The following CLYBL variants were observed in gnomAD, a reference collection of about 807,000 sequenced individuals.
CLYBL encodes citramalyl-CoA lyase, mitochondrial.
In CLYBL, 31 loss-of-function variants were observed where a neutral mutation model predicts 38.9. The ratio of observed to expected loss-of-function variants is 0.80; its 90% CI spans 0.60 to 1.08. CLYBL has a LOEUF of 1.08. Among genes scored for constraint, CLYBL ranks in the 50% least tolerant of loss-of-function variants. The pLI is 0.00. For synonymous variants in CLYBL, 171 were observed against 158.6 expected (o/e 1.08, Z -0.59); for missense variants, 434 against 411.6 (o/e 1.05, Z -0.47).
chr13:99,908,518 G>T (rs1019523159), exon 10 of CLYBL, among the ~76,000 whole-genome samples: 2 of 152,240 alleles, frequency 1.3e-5, no homozygotes, highest in Non-Finnish European at 2.9e-5. Flanking sequence ...GCACCAAAAA[G>T]CTTTTCCTGA....
chr13:99,667,511 G>T lies in CLYBL; in HGVS notation c.62+60754G>T, dbSNP rs532131640. ...GAGACCACTTGCATCTAACTCTGTG[G>T]CAGGTTTAGGATTCTGTGTAATCAG... On this transcript the variant is annotated intron_variant, in intron 1 of 8. Transcript: ENST00000339105. Among the ~76,000 whole-genome samples the T allele has an allele frequency of 5.2e-3, 780 of 150,586 alleles. 2 individuals are homozygous for T. Among genetic ancestry groups the T allele is most frequent in the Non-Finnish European group, 9.6e-3 (651 of 67,878 alleles).
chr13:99,644,352 C>A (rs2047146014), intron 1 of CLYBL, among the ~76,000 whole-genome samples: 1 of 151,986 alleles, frequency 6.6e-6, no homozygotes, highest in African/African-American at 2.4e-5. Context: ...AAAACTGTTA[C>A]CTTAAGACTA....
rs181574689 is a variant in CLYBL at position 99,858,290 on chromosome 13, A to G, written c.250-571A>G. Reference sequence around the variant, plus strand: ...AGTGGGAGCTTTTCTTGTAGTACACATTGTCAGATTCCTGTGAGCATCTTC... The same window carrying G: ...AGTGGGAGCTTTTCTTGTAGTACACGTTGTCAGATTCCTGTGAGCATCTTC... On this transcript the variant is annotated intron_variant, in intron 2 of 8. Transcript: ENST00000339105. Among the ~76,000 whole-genome samples, 292 of 152,296 alleles carry G rather than the reference A, an allele frequency of 1.9e-3. 2 individuals are homozygous for G. The highest frequency in any genetic ancestry group is 6.7e-3 in the African/African-American group (278 of 41,570).
At chr13:99,817,674 G>GA (rs1372175434) in intron 2 of CLYBL, among the ~76,000 whole-genome samples, 1 of 126,584 alleles carries the variant, frequency 7.9e-6, no homozygotes, top group Non-Finnish European at 1.6e-5. Flanking sequence ...AAAAAAAAAA[G>GA]AAAAGAAAAA....
chr13:99,880,068 A>ATATATATATATATAT (rs34063235), intron 7 of CLYBL, among the ~76,000 whole-genome samples: 5 of 101,188 alleles, frequency 4.9e-5, no homozygotes, highest in Non-Finnish European at 5.6e-5. Context: ...ATATATATAT[A>ATATATATATATATAT]TTTTTTTTTT....
At chr13:99,631,659 C>T (rs1402448903) in intron 1 of CLYBL, among the ~76,000 whole-genome samples, 2 of 151,616 alleles carry the variant, frequency 1.3e-5, no homozygotes, top group Admixed American at 6.6e-5. Flanking sequence ...AGTGCAGTGG[C>T]GTGATCTCGG....
intron 1 of CLYBL, among the ~76,000 whole-genome samples, chr13:99,628,892 G>A (rs2046905252): frequency 6.6e-6 from 1 of 152,236 alleles, no homozygotes; most frequent in African/African-American, 2.4e-5. Context: ...GAGAGAAAGG[G>A]AGGGGCCCTT....
At chr13:99,796,819 A>G (rs896953778) in intron 2 of CLYBL, among the ~76,000 whole-genome samples, 2 of 152,032 alleles carry the variant, frequency 1.3e-5, no homozygotes, top group African/African-American at 4.8e-5. Context: ...AGTAGTGTAG[A>G]CTGGTTGGGT....
chr13:99,789,908 ATAGT>A lies in CLYBL; in HGVS notation c.249+16903_249+16906del, dbSNP rs566491999. 3.9e-4 allele frequency among the ~76,000 whole-genome samples: 60 copies of A among 152,286 alleles called. 1 individual carries two copies. In the East Asian group the frequency reaches 0.011, roughly 28 times the overall value. ...TGTATTGGGTGCATATATATTTAAG[ATAGT>A]TAGTCTTCTTATTAAATTGATCCCT... On this transcript the variant is annotated intron_variant, in intron 2 of 8. Transcript: ENST00000339105.
intron 1 of CLYBL, among the ~76,000 whole-genome samples, chr13:99,625,473 G>A (rs2046856472): frequency 6.6e-6 from 1 of 152,098 alleles, no homozygotes; most frequent in South Asian, 2.1e-4. Context: ...ACTGGTTTGG[G>A]GAATTAGTAA....
chr13:99,794,308 C>T (rs1469710889), intron 2 of CLYBL, among the ~76,000 whole-genome samples: 2 of 152,036 alleles, frequency 1.3e-5, no homozygotes, highest in African/African-American at 4.8e-5. Flanking sequence ...GTAATCCCAG[C>T]TTCTGGGAGG....
chr13:99,781,165 T>TA (rs201043425), intron 2 of CLYBL, among the ~76,000 whole-genome samples: 1 of 145,584 alleles, frequency 6.9e-6, no homozygotes, highest in East Asian at 2.0e-4. Context: ...ATTATTTATT[T>TA]TTATTTATTT....
intron 2 of CLYBL, among the ~76,000 whole-genome samples, chr13:99,807,374 G>C (rs1441533525): frequency 1.3e-5 from 2 of 152,200 alleles, no homozygotes; most frequent in Non-Finnish European, 2.9e-5. Context: ...TAAGGATTGA[G>C]AGCCAGCACA....
chr13:99,878,441 T>C (rs2052106231), intron 7 of CLYBL, among the ~76,000 whole-genome samples: 1 of 152,254 alleles, frequency 6.6e-6, no homozygotes, highest in Admixed American at 6.5e-5. Context: ...ATGTCAAACA[T>C]TTTTAAATAA....
chr13:99,832,969 TATATC>T (rs1180601522), intron 2 of CLYBL, among the ~76,000 whole-genome samples: 1 of 139,310 alleles, frequency 7.2e-6, no homozygotes, highest in Non-Finnish European at 1.5e-5. Flanking sequence ...AGTATTGTCA[TATATC>T]ATTTCATTAA....
intron 1 of CLYBL, among the ~76,000 whole-genome samples, chr13:99,649,732 G>C (rs1218556506): frequency 2.0e-5 from 3 of 152,040 alleles, no homozygotes; most frequent in Admixed American, 2.0e-4. Context: ...ACATGTAGTG[G>C]TGGGCACCTG....
At chr13:99,732,227 A>G (rs1594146675) in intron 1 of CLYBL, among the ~76,000 whole-genome samples, 1 of 126,558 alleles carries the variant, frequency 7.9e-6, no homozygotes, top group Non-Finnish European at 1.6e-5. Context: ...TGTCACCTAT[A>G]CTGGAGTGCA....
chr13:99,705,166 T>C (rs1195135408), intron 1 of CLYBL, among the ~76,000 whole-genome samples: 1 of 152,184 alleles, frequency 6.6e-6, no homozygotes, highest in Non-Finnish European at 1.5e-5. Context: ...GCAGCATTAT[T>C]CTTGATAGCC....
chr13:99,703,382 T>A (rs900384646), intron 1 of CLYBL, among the ~76,000 whole-genome samples: 1 of 152,194 alleles, frequency 6.6e-6, no homozygotes, highest in Non-Finnish European at 1.5e-5. Flanking sequence ...TTGCTTGGTT[T>A]TTTTTTGAGA....
Sources: allele counts gnomAD v4.1 joint callset (sites outside exome capture counted in the v4.1 genomes callset), GRCh38; gene constraint gnomAD v4.1.1; transcripts MANE v1.5; gene names NCBI Gene and HGNC (gene_info 2026-07-23, HGNC 2026-07-21).